Variants in RAD51AP1 observed in about 807,000 individuals in gnomAD.
RAD51AP1 encodes RAD51 associated protein 1, also known as RAD51-associated protein 1.
Under a neutral mutation model 34.3 loss-of-function variants are expected in RAD51AP1, and 14 were observed. The ratio of observed to expected loss-of-function variants is 0.41; its 90% CI spans 0.27 to 0.64. The LOEUF (loss-of-function observed/expected upper bound fraction) is 0.64, where lower values mean the gene tolerates loss of function less well. Among genes scored for constraint, RAD51AP1 ranks in the 30% least tolerant of loss-of-function variants. The pLI, the probability that RAD51AP1 is intolerant of heterozygous loss-of-function variation, is 0.33. For synonymous variants in RAD51AP1, 114 were observed against 129.8 expected, an observed-to-expected ratio of 0.88 and a Z score of 0.83; for missense variants, 348 against 386.9, an observed-to-expected ratio of 0.90 and a Z score of 0.84.
At chr12:4,557,420 A>C (rs891486088) in intron 8 of RAD51AP1, among the ~76,000 whole-genome samples, 7 of 152,186 alleles carry the variant, frequency 4.6e-5, no homozygotes, top group African/African-American at 1.7e-4. Context: ...TCATTTCATC[A>C]TGTGAAATAT....
chr12:4,549,478 G>A (rs924842616), intron 6 of RAD51AP1, among the ~76,000 whole-genome samples: 5 of 152,038 alleles, frequency 3.3e-5, no homozygotes, highest in African/African-American at 9.7e-5. Context: ...TTTGCTCATC[G>A]TCACTTATTC....
chr12:4,551,137 C>G (rs115123349), intron 6 of RAD51AP1, among the ~76,000 whole-genome samples: 1 of 151,880 alleles, frequency 6.6e-6, no homozygotes, highest in Admixed American at 6.6e-5. Context: ...CTCCTCCCCC[C>G]ACCACCAAAA....
At chr12:4,545,294 A>G in intron 3 of RAD51AP1, 1 of 431,114 alleles carries the variant, frequency 2.3e-6, no homozygotes, top group Non-Finnish European at 4.6e-6. Flanking sequence ...ATTCTGAGTG[A>G]AAGAAGCCAG....
rs375762547 is a variant in RAD51AP1 at position 4,556,415 on chromosome 12, G to A, written c.784G>A (p.Val262Ile). The A allele has an allele frequency of 6.2e-7, 1 of 1,613,670 alleles. No individual in the cohort carries two copies. The highest frequency in any genetic ancestry group is 8.5e-7 in the Non-Finnish European group (1 of 1,179,740). The part of the protein sequence containing the change: ...KSESQSLPKK[V>I]SLSSDTTRKP... ...AGAATCTCAGTCCTTGCCAAAAAAG[G>A]TTTCTCTGTCTTCAGATACCACTAG... The change falls in exon 8 of 9, where the codon GTT becomes ATT. Residue 262 changes from valine (V) to isoleucine (I), a missense_variant. Transcript: ENST00000352618.
intron 6 of RAD51AP1, among the ~76,000 whole-genome samples, chr12:4,552,718 A>G (rs151099703): frequency 6.6e-6 from 1 of 152,332 alleles, no homozygotes; most frequent in East Asian, 1.9e-4. Flanking sequence ...TATATATATT[A>G]ACTCATTTAA....
intron 1 of RAD51AP1, among the ~76,000 whole-genome samples, chr12:4,539,186 C>T (rs910081838): frequency 8.5e-5 from 13 of 152,126 alleles, no homozygotes; most frequent in African/African-American, 3.1e-4. Flanking sequence ...TTTCTTTTAC[C>T]AAGACCTTGT....
Position 4,546,297 on chromosome 12 carries a change from T to C in RAD51AP1, c.210-12T>C, listed in dbSNP as rs1157982416. The C allele has an allele frequency of 1.9e-6, 3 of 1,542,262 alleles. No individual in the cohort carries two copies. Among genetic ancestry groups the C allele is most frequent in the Non-Finnish European group, 2.7e-6 (3 of 1,126,642 alleles). ...TTTGAAGAACTCATTATTACTTGTG[T>C]ATCTATTTTAGGATGGCTTTAGATG... On this transcript the variant is annotated splice_polypyrimidine_tract_variant and intron_variant, in intron 3 of 8. Transcript: ENST00000352618.
At chr12:4,553,300 G>A in intron 7 of RAD51AP1, 153 bp downstream of exon 7, 1 of 588,608 alleles carries the variant, frequency 1.7e-6, no homozygotes, top group East Asian at 3.5e-5. Context: ...GGGGAAGGGA[G>A]AAAAGCGGAC....
chr12:4,556,310 C>A, intron 7 of RAD51AP1, 43 bp from the exon 8 acceptor site: 2 of 1,456,918 alleles, frequency 1.4e-6, no homozygotes, highest in Non-Finnish European at 1.9e-6. Flanking sequence ...CTTACTTTTT[C>A]TTCCTGCATG....
At chr12:4,555,923 A>G (rs879509215) in intron 7 of RAD51AP1, among the ~76,000 whole-genome samples, 4 of 152,176 alleles carry the variant, frequency 2.6e-5, no homozygotes, top group Non-Finnish European at 5.9e-5. Context: ...AGCAGGAGCC[A>G]TGTTTCTAAC....
chr12:4,549,197 G>A (rs1207969199), intron 6 of RAD51AP1, among the ~76,000 whole-genome samples: 1 of 152,148 alleles, frequency 6.6e-6, no homozygotes, highest in Non-Finnish European at 1.5e-5. Context: ...ATCAGGGAGG[G>A]TCTCAGACCC....
At chr12:4,543,281 G>C (rs1944482138) in intron 2 of RAD51AP1, among the ~76,000 whole-genome samples, 1 of 152,126 alleles carries the variant, frequency 6.6e-6, no homozygotes, top group Admixed American at 6.5e-5. Flanking sequence ...GGCTGGTCTT[G>C]AACTCGTGAC....
intron 6 of RAD51AP1, among the ~76,000 whole-genome samples, chr12:4,551,356 G>A (rs756985693): frequency 2.6e-5 from 4 of 151,954 alleles, no homozygotes; most frequent in Non-Finnish European, 5.9e-5. Context: ...TTAGCTGGGC[G>A]TGGTGTTGTG....
Position 4,548,848 on chromosome 12 carries a change from T to A in RAD51AP1, c.556+12T>A. The A allele has an allele frequency of 6.2e-7, 1 of 1,601,568 alleles. No homozygotes were observed. Among genetic ancestry groups the A allele is most frequent in the Non-Finnish European group, 8.5e-7 (1 of 1,173,534 alleles). On this transcript the variant is annotated intron_variant, in intron 6 of 8. Coordinates refer to ENST00000352618, the MANE Select transcript of RAD51AP1 (RefSeq NM_006479.5). Reference sequence around the variant, plus strand: ...AGACTTTGCACCTGGTAGGTTTTATTCTACTTCGAAATTAATTCTATGGGA... The same window carrying A: ...AGACTTTGCACCTGGTAGGTTTTATACTACTTCGAAATTAATTCTATGGGA...
intron 7 of RAD51AP1, among the ~76,000 whole-genome samples, chr12:4,554,738 A>AT (rs35194380): frequency 6.6e-6 from 1 of 152,208 alleles, no homozygotes; most frequent in African/African-American, 2.4e-5. Flanking sequence ...AATGGATTAT[A>AT]TTTTTAGTCC....
At chr12:4,553,817 GTTTGT>G (rs1481160680) in intron 7 of RAD51AP1, among the ~76,000 whole-genome samples, 1 of 151,974 alleles carries the variant, frequency 6.6e-6, no homozygotes, top group African/African-American at 2.4e-5. Context: ...CATTAACTGA[GTTTGT>G]TTTATTTCTT....
intron 3 of RAD51AP1, among the ~76,000 whole-genome samples, chr12:4,544,813 C>T (rs1944494513): frequency 6.6e-6 from 1 of 151,978 alleles, no homozygotes. Context: ...AAACAAATAA[C>T]CAATAAACAC....
At chr12:4,546,147 G>C (rs1944504412) in intron 3 of RAD51AP1, among the ~76,000 whole-genome samples, 162 bp from the exon 4 acceptor site, 1 of 147,902 alleles carries the variant, frequency 6.8e-6, no homozygotes, top group Non-Finnish European at 1.5e-5. Flanking sequence ...GACATTTTAG[G>C]AGTCTTATCT....
intron 7 of RAD51AP1, among the ~76,000 whole-genome samples, chr12:4,554,511 A>G (rs1944569250): frequency 6.6e-6 from 1 of 152,222 alleles, no homozygotes; most frequent in Non-Finnish European, 1.5e-5. Context: ...AGTTATTAAC[A>G]CCATGAATAT....
Sources: allele counts gnomAD v4.1 joint callset (sites outside exome capture counted in the v4.1 genomes callset), GRCh38; gene constraint gnomAD v4.1.1; transcripts MANE v1.5; gene names NCBI Gene and HGNC (gene_info 2026-07-23, HGNC 2026-07-21).